SOX6: variants seen among roughly 807,000 people sequenced by gnomAD.
The protein encoded by SOX6 is SRY-box transcription factor 6.
Under a neutral mutation model 97.8 loss-of-function variants are expected in SOX6, and 11 were observed. The ratio of observed to expected loss-of-function variants is 0.11; its 90% CI spans 0.07 to 0.19. The LOEUF (loss-of-function observed/expected upper bound fraction) is 0.19, where lower values mean the gene tolerates loss of function less well. Among genes scored for constraint, SOX6 ranks in the 10% least tolerant of loss-of-function variants. The pLI is 1.00. For missense variants in SOX6, 810 were observed against 1,039.5 expected, an observed-to-expected ratio of 0.78 and a Z score of 3.04; for synonymous variants, 360 against 371.4, an observed-to-expected ratio of 0.97 and a Z score of 0.35.
At chr11:16,497,673 C>T (rs1359417501) in intron 4 of SOX6, among the ~76,000 whole-genome samples, 1 of 152,084 alleles carries the variant, frequency 6.6e-6, no homozygotes, top group African/African-American at 2.4e-5. Flanking sequence ...GACGAATGCA[C>T]AAGCCTAAGT....
At chr11:16,191,369 G>C (rs1377096214) in intron 4 of SOX6, among the ~76,000 whole-genome samples, 2 of 152,098 alleles carry the variant, frequency 1.3e-5, no homozygotes, top group African/African-American at 4.8e-5. Flanking sequence ...GCTGAGGCAG[G>C]AGCATTACTC....
chr11:16,687,999 G>T (rs964227338), intron 3 of SOX6, among the ~76,000 whole-genome samples: 2 of 151,450 alleles, frequency 1.3e-5, no homozygotes, highest in East Asian at 1.9e-4. Context: ...TTGACACAGG[G>T]TCTCACTCTG....
intron 2 of SOX6, among the ~76,000 whole-genome samples, chr11:16,328,309 T>C (rs1856166605): frequency 6.6e-6 from 1 of 152,312 alleles, no homozygotes. Context: ...TGTGTTCAGC[T>C]ACAGGTATGT....
At chr11:16,466,823 T>C (rs1174920086) in intron 1 of SOX6, among the ~76,000 whole-genome samples, 5 of 142,336 alleles carry the variant, frequency 3.5e-5, no homozygotes, top group Admixed American at 1.5e-4. Context: ...CCCAGCTACT[T>C]GGGAGGCTGA....
rs189190931 is a variant in SOX6 at position 15,982,903 on chromosome 11, C to T, written c.2183+3301G>A. On this transcript the variant is annotated intron_variant, in intron 15 of 15. Coordinates refer to ENST00000683767, the MANE Select transcript of SOX6 (RefSeq NM_001367873.1). ...TCAAATAAATGGAAGTATATTCGGT[C>T]ACAGTTCTTTGGGAAGACGTCATTG... 1.1e-3 allele frequency among the ~76,000 whole-genome samples: 173 copies of T among 151,998 alleles called. 1 individual carries two copies. Among genetic ancestry groups the T allele is most frequent in the Non-Finnish European group, 1.3e-3 (87 of 67,948 alleles).
chr11:16,175,813 C>T (rs74516812), intron 6 of SOX6, among the ~76,000 whole-genome samples: 1,558 of 151,632 alleles, frequency 0.01, 26 homozygotes, highest in African/African-American at 0.035. Flanking sequence ...TTTCATACAC[C>T]TTCTCCAAAA....
chr11:16,526,546 A>T (rs924233322), intron 4 of SOX6, among the ~76,000 whole-genome samples: 1 of 152,028 alleles, frequency 6.6e-6, no homozygotes, highest in Non-Finnish European at 1.5e-5. Context: ...TGATGAGTTA[A>T]TTGGTGCAGC....
intron 6 of SOX6, among the ~76,000 whole-genome samples, chr11:16,140,771 T>C (rs1850112673): frequency 6.6e-6 from 1 of 152,188 alleles, no homozygotes; most frequent in African/African-American, 2.4e-5. Flanking sequence ...ACCTAGCTAT[T>C]GGGCCTTCAG....
chr11:16,496,837 G>A (rs888936160), intron 4 of SOX6, among the ~76,000 whole-genome samples: 11 of 152,176 alleles, frequency 7.2e-5, no homozygotes, highest in African/African-American at 2.2e-4. Flanking sequence ...AAACTGGGTG[G>A]AGCCCACCGC....
At chr11:16,700,364 T>C (rs1046219925) in intron 3 of SOX6, among the ~76,000 whole-genome samples, 2 of 151,884 alleles carry the variant, frequency 1.3e-5, no homozygotes, top group Non-Finnish European at 2.9e-5. Flanking sequence ...AGCTGAAGAG[T>C]TCATCAGGAG....
intron 3 of SOX6, among the ~76,000 whole-genome samples, chr11:16,704,240 C>A (rs924150552): frequency 6.6e-6 from 1 of 152,156 alleles, no homozygotes. Flanking sequence ...TCAAGAATTA[C>A]AATGAGTTTC....
intron 1 of SOX6, among the ~76,000 whole-genome samples, chr11:16,426,751 A>G (rs1859146778): frequency 6.6e-6 from 1 of 151,512 alleles, no homozygotes; most frequent in African/African-American, 2.4e-5. Flanking sequence ...CGTCTCTACT[A>G]AAAATACAAA....
intron 6 of SOX6, among the ~76,000 whole-genome samples, chr11:16,144,231 CA>C (rs751563017): frequency 2.0e-5 from 3 of 152,172 alleles, no homozygotes; most frequent in Non-Finnish European, 4.4e-5. Context: ...GGAAACTGAA[CA>C]ACCTGCTCCT....
rs143991652 is a variant in SOX6 at position 16,035,253 on chromosome 11, A to G, written c.1623+11261T>C. ...GTGAAGTCCGTCTGTTATTGCAGAC[A>G]GAATATGGGATTCAAAACAAAAAAC... On this transcript the variant is annotated intron_variant, in intron 12 of 15. Coordinates refer to ENST00000683767, the MANE Select transcript of SOX6 (RefSeq NM_001367873.1). Among the ~76,000 whole-genome samples the G allele has an allele frequency of 6.1e-3, 936 of 152,358 alleles. 2 individuals are homozygous for G. The highest frequency in any genetic ancestry group is 9.1e-3 in the Non-Finnish European group (621 of 68,034).
chr11:16,123,504 T>C (rs1211025500), intron 6 of SOX6, among the ~76,000 whole-genome samples: 2 of 151,956 alleles, frequency 1.3e-5, no homozygotes, highest in African/African-American at 4.8e-5. Flanking sequence ...TTATAAAAAC[T>C]AGATACCAAG....
chr11:16,155,921 T>C (rs556687424), intron 6 of SOX6, among the ~76,000 whole-genome samples: 6 of 152,194 alleles, frequency 3.9e-5, no homozygotes, highest in African/African-American at 1.4e-4. Flanking sequence ...TCTCCCTGAA[T>C]ATCCAAATCC....
chr11:16,205,719 T>C (rs1048196625), intron 4 of SOX6, among the ~76,000 whole-genome samples: 5 of 152,144 alleles, frequency 3.3e-5, no homozygotes, highest in Admixed American at 6.5e-5. Flanking sequence ...CATCTTACAA[T>C]TTATAAGTTG....
intron 6 of SOX6, among the ~76,000 whole-genome samples, chr11:16,174,000 C>T (rs916460209): frequency 3.3e-5 from 5 of 150,628 alleles, no homozygotes; most frequent in Non-Finnish European, 5.9e-5. Flanking sequence ...TGCATGCCAT[C>T]ACACCCAGTT....
chr11:16,554,093 T>C lies in SOX6; in HGVS notation n.609+57988A>G, dbSNP rs1847721774. On this transcript the variant is annotated intron_variant and non_coding_transcript_variant, in intron 4 of 5. Coordinates refer to the SOX6 transcript ENST00000524520. ...AAAGAAAAGATAATAAATATGGTAATAGTCATCATGAAAGCTTTCTTTGAA... is the reference window on the plus strand; with the variant it reads ...AAAGAAAAGATAATAAATATGGTAACAGTCATCATGAAAGCTTTCTTTGAA... 2.0e-5 allele frequency among the ~76,000 whole-genome samples: 3 copies of C among 152,120 alleles called. No homozygotes were observed. In the South Asian group the frequency reaches 6.2e-4, roughly 32 times the overall value.
Sources: gnomAD v4.1 joint callset for allele counts (sites outside exome capture counted in the v4.1 genomes callset) on GRCh38, gnomAD v4.1.1 for gene constraint, MANE v1.5 for transcripts, NCBI Gene and HGNC (gene_info 2026-07-23, HGNC 2026-07-21) for gene names.